Variants in RPS27L observed in about 807,000 individuals in gnomAD.
RPS27L encodes the protein ribosomal protein S27 like.
Under a neutral mutation model 12.8 loss-of-function variants are expected in RPS27L, and 10 were observed. That is an observed-to-expected ratio of 0.78 (90% confidence interval 0.48 to 1.33). The LOEUF is 1.33. RPS27L is among the 40% of genes most tolerant of loss of function. The probability of loss-of-function intolerance (pLI) is 0.00; values close to 1 mark genes in which losing one functional copy is unlikely to be tolerated. For missense variants in RPS27L, 81 were observed against 97.4 expected, an observed-to-expected ratio of 0.83 and a Z score of 0.71; for synonymous variants, 26 against 32.3, an observed-to-expected ratio of 0.81 and a Z score of 0.66.
intron 1 of RPS27L, 91 bp from the exon 2 acceptor site, chr15:63,156,612 T>C: frequency 1.2e-6 from 1 of 802,276 alleles, no homozygotes; most frequent in East Asian, 2.5e-5. Flanking sequence ...AAAACAGGAA[T>C]AACGGTCATC....
rs981762700 is a variant in RPS27L at position 63,149,704 on chromosome 15, T to A, written c.*4328A>T. 2 of 152,130 alleles carry A rather than the reference T, an allele frequency of 1.3e-5. No individual in the cohort carries two copies. Among genetic ancestry groups the A allele is most frequent in the African/African-American group, 4.8e-5 (2 of 41,422 alleles). 9.4% of individuals were successfully genotyped at this position (152,130 alleles called of 1,614,324 possible). Reference sequence around the variant, plus strand: ...AGCAGAATAATGGCCCTCTAAAGATTCCCACACCCTAATCCCCAGAACCTA... The same window carrying A: ...AGCAGAATAATGGCCCTCTAAAGATACCCACACCCTAATCCCCAGAACCTA... On this transcript the variant is annotated 3_prime_UTR_variant, in exon 4 of 4. Transcript: ENST00000330964.
chr15:63,157,003 C>A, intron 1 of RPS27L: 1 of 355,740 alleles, frequency 2.8e-6, no homozygotes, highest in East Asian at 7.0e-5. Context: ...AAGGCAACAA[C>A]GAGGACAGTT....
At chr15:63,155,514 T>G (rs1213050268) in intron 3 of RPS27L, 107 bp downstream of exon 3, 1 of 695,942 alleles carries the variant, frequency 1.4e-6, no homozygotes, top group Non-Finnish European at 2.4e-6. Flanking sequence ...CAATGAAAGA[T>G]AAGTTATTTT....
Position 63,148,600 on chromosome 15 carries a change from A to T in RPS27L, c.*5432T>A, listed in dbSNP as rs557447695. 1 of 152,296 alleles carries T rather than the reference A, an allele frequency of 6.6e-6. No individual in the cohort carries two copies. Among genetic ancestry groups the T allele is most frequent in the South Asian group, 2.1e-4 (1 of 4,824 alleles). The allele number at this position is 152,296 out of a possible 1,614,324, so 9.4% of individuals were successfully genotyped here. ...TTCCTATAGAATAACTGAAACTAAC[A>T]CTGCTTCCCTAAGATTTAAAATGAA... is the stretch of plus-strand genomic sequence containing the variant. On this transcript the variant is annotated 3_prime_UTR_variant, in exon 4 of 4. Transcript: ENST00000330964.
At position 63,155,299 on chromosome 15, in the gene RPS27L, T is replaced by A. The variant is rs189947313; in HGVS notation, c.226+322A>T. On this transcript the variant is annotated intron_variant, in intron 3 of 3. Transcript: ENST00000330964. ...CGAGACTCCTAATAAAAAAAAAAAATAATAAATAAATAAATAAATAAATCT... is the reference window on the plus strand; with the variant it reads ...CGAGACTCCTAATAAAAAAAAAAAAAAATAAATAAATAAATAAATAAATCT... 4.5e-3 allele frequency: 1,015 copies of A among 227,230 alleles called. 6 individuals are homozygous for A. Among genetic ancestry groups the A allele is most frequent in the South Asian group, 0.028 (156 of 5,502 alleles). The allele number at this position is 227,230 out of a possible 1,614,324, so 14.1% of individuals were successfully genotyped here.
chr15:63,152,515 C>T lies in RPS27L; in HGVS notation c.*1517G>A, dbSNP rs2037307057. The T allele has an allele frequency of 7.2e-6, 1 of 138,916 alleles. No individual in the cohort carries two copies. Among genetic ancestry groups the T allele is most frequent in the Non-Finnish European group, 1.5e-5 (1 of 65,548 alleles). 8.6% of individuals were successfully genotyped at this position (138,916 alleles called of 1,614,324 possible). A position where few individuals can be genotyped will look rare whatever the true frequency, so the allele number is the denominator to read the frequency against. Reference sequence around the variant, plus strand: ...TTTTTTTTTCTTTTTTTTTTTGAGACGGAGTTTCGTGCTTGTTGCCCAGGC... The same window carrying T: ...TTTTTTTTTCTTTTTTTTTTTGAGATGGAGTTTCGTGCTTGTTGCCCAGGC... On this transcript the variant is annotated 3_prime_UTR_variant, in exon 4 of 4. Transcript: ENST00000330964.
chr15:63,156,537 T>C lies in RPS27L; in HGVS notation c.7-16A>G. 7.0e-7 allele frequency: 1 copy of C among 1,432,536 alleles called. No individual in the cohort carries two copies. The highest frequency in any genetic ancestry group is 9.8e-7 in the Non-Finnish European group (1 of 1,020,638). 88.7% of individuals were successfully genotyped at this position (1,432,536 alleles called of 1,614,324 possible). ...CTCTAGCCAACTGAACAAAGAAGCA[T>C]ATTATTACTATTAGTTTTAAACCAC... On this transcript the variant is annotated splice_polypyrimidine_tract_variant and intron_variant, in intron 1 of 3. Coordinates refer to ENST00000330964, the MANE Select transcript of RPS27L (RefSeq NM_015920.4).
rs907764920 is a variant in RPS27L, at chr15:63,156,653, G to A, written c.7-132C>T. The A allele has an allele frequency of 5.9e-6, 4 of 680,576 alleles. No individual in the cohort carries two copies. The South Asian group carries it at 6.6e-5, about 11-fold the overall frequency. The allele number at this position is 680,576 out of a possible 1,614,324, so 42.2% of individuals were successfully genotyped here. On this transcript the variant is annotated intron_variant, in intron 1 of 3. Transcript: ENST00000330964. Reference sequence around the variant, plus strand: ...CAGAAGCAACACGTCAGATAGTAAAGTTATTTTTCGAAACCTGTTAATAAC... The same window carrying A: ...CAGAAGCAACACGTCAGATAGTAAAATTATTTTTCGAAACCTGTTAATAAC...
chr15:63,154,248 T>A, intron 3 of RPS27L, 188 bp from the exon 4 acceptor site: 1 of 566,480 alleles, frequency 1.8e-6, no homozygotes, highest in Non-Finnish European at 3.1e-6. Context: ...GAGTTTACTC[T>A]GGTATGACTA....
rs1276514052 is a variant in RPS27L at position 63,150,043 on chromosome 15, C to G, written c.*3989G>C. 1 of 152,130 alleles carries G rather than the reference C, an allele frequency of 6.6e-6. No homozygotes were observed. Among genetic ancestry groups the G allele is most frequent in the African/African-American group, 2.4e-5 (1 of 41,396 alleles). 9.4% of individuals were successfully genotyped at this position (152,130 alleles called of 1,614,324 possible). A position where few individuals can be genotyped will look rare whatever the true frequency, so the allele number is the denominator to read the frequency against. On this transcript the variant is annotated 3_prime_UTR_variant, in exon 4 of 4. Transcript: ENST00000330964. ...AGTGAGCTGAGATCACGCCACTGCA[C>G]TCCACCTAGGGAACAGAGCAAGACT...
chr15:63,157,235 G>A, intron 1 of RPS27L, 165 bp downstream of exon 1: 2 of 768,150 alleles, frequency 2.6e-6, no homozygotes. Flanking sequence ...CGCGGTGACC[G>A]GGCAAGTCAC....
At chr15:63,156,734 T>C in intron 1 of RPS27L, 2 of 610,706 alleles carry the variant, frequency 3.3e-6, no homozygotes. Flanking sequence ...AAAAGGGCTT[T>C]CGCACGATCA....
At position 63,153,953 on chromosome 15, in the gene RPS27L, T is replaced by C; in HGVS notation, c.*79A>G. 1.7e-6 allele frequency: 2 copies of C among 1,178,618 alleles called. No homozygotes were observed. Among genetic ancestry groups the C allele is most frequent in the Non-Finnish European group, 2.5e-6 (2 of 792,224 alleles). The allele number at this position is 1,178,618 out of a possible 1,614,324, so 73.0% of individuals were successfully genotyped here. A position where few individuals can be genotyped will look rare whatever the true frequency, so the allele number is the denominator to read the frequency against. ...AATGTAATTACATTATCTTGGTAAATTAATTAGAATTATGGAATTTATGAT... is the reference window on the plus strand; with the variant it reads ...AATGTAATTACATTATCTTGGTAAACTAATTAGAATTATGGAATTTATGAT... On this transcript the variant is annotated 3_prime_UTR_variant, in exon 4 of 4. Coordinates refer to ENST00000330964, the MANE Select transcript of RPS27L (RefSeq NM_015920.4).
intron 2 of RPS27L, among the ~76,000 whole-genome samples, 199 bp downstream of exon 2, chr15:63,156,214 G>A (rs1186281852): frequency 3.3e-5 from 5 of 152,188 alleles, no homozygotes; most frequent in Non-Finnish European, 7.3e-5. Context: ...TATCTCCTTT[G>A]AATGCCTGTT....
intron 3 of RPS27L, 36 bp downstream of exon 3, chr15:63,155,585 T>C: frequency 7.7e-7 from 1 of 1,292,012 alleles, no homozygotes; most frequent in Non-Finnish European, 1.1e-6. Flanking sequence ...TAATCATCAA[T>C]CTCATCACTG....
intron 3 of RPS27L, chr15:63,154,771 TA>T (rs1162506138): frequency 6.6e-6 from 1 of 152,074 alleles, no homozygotes; most frequent in East Asian, 1.9e-4. Context: ...ACTATATATA[TA>T]ATTTTTTTTT....
intron 1 of RPS27L, 58 bp downstream of exon 1, chr15:63,157,342 A>G: frequency 6.3e-7 from 1 of 1,597,982 alleles, no homozygotes; most frequent in East Asian, 2.2e-5. Flanking sequence ...CATCCGTCCC[A>G]TATGACTCTC....
In RPS27L at chr15:63,153,726, C is replaced by CCA. The variant is rs2037314781; in HGVS notation, c.*305_*306insTG. 1 of 186,540 alleles carries CCA rather than the reference C, an allele frequency of 5.4e-6. No individual in the cohort carries two copies. Among genetic ancestry groups the CCA allele is most frequent in the Non-Finnish European group, 9.8e-6 (1 of 102,416 alleles). The allele number at this position is 186,540 out of a possible 1,614,324, so 11.6% of individuals were successfully genotyped here. A position where few individuals can be genotyped will look rare whatever the true frequency, so the allele number is the denominator to read the frequency against. ...AGTGACAGAGCAGGACTCTCTCTCT[C>CCA]AAAAAAAAAAAAAAAGACACAAACT... On this transcript the variant is annotated 3_prime_UTR_variant, in exon 4 of 4. Transcript: ENST00000330964.
rs2141085616 is a variant in RPS27L at position 63,153,797 on chromosome 15, A to G, written c.*235T>C. Reference sequence around the variant, plus strand: ...TGTTTAAACCAAATTCATATACACCATATATATAAATGTATGGCATACTCA... The same window carrying G: ...TGTTTAAACCAAATTCATATACACCGTATATATAAATGTATGGCATACTCA... On this transcript the variant is annotated 3_prime_UTR_variant, in exon 4 of 4. Transcript: ENST00000330964. 1 of 499,186 alleles carries G rather than the reference A, an allele frequency of 2.0e-6. No individual in the cohort carries two copies. Among genetic ancestry groups the G allele is most frequent in the South Asian group, 3.4e-5 (1 of 29,164 alleles). The allele number at this position is 499,186 out of a possible 1,614,324, so 30.9% of individuals were successfully genotyped here. A position where few individuals can be genotyped will look rare whatever the true frequency, so the allele number is the denominator to read the frequency against.
Sources: gnomAD v4.1 joint callset for allele counts (sites outside exome capture counted in the v4.1 genomes callset) on GRCh38, gnomAD v4.1.1 for gene constraint, MANE v1.5 for transcripts, NCBI Gene and HGNC (gene_info 2026-07-23, HGNC 2026-07-21) for gene names.